RERE: variants seen among roughly 807,000 people sequenced by gnomAD.
RERE encodes the protein arginine-glutamic acid dipeptide repeats protein.
RERE carries 40 observed loss-of-function variants against 146.1 expected under a neutral mutation model. That is an observed-to-expected ratio of 0.27 (90% CI 0.21 to 0.36). The LOEUF (loss-of-function observed/expected upper bound fraction) is 0.36. RERE is among the 10% of genes least tolerant of loss of function. The pLI, the probability that RERE is intolerant of heterozygous loss-of-function variation, is 1.00. For missense variants in RERE, 1,933 were observed against 2,138.7 expected, an observed-to-expected ratio of 0.90 and a Z score of 1.90; for synonymous variants, 1,003 against 866.0, an observed-to-expected ratio of 1.16 and a Z score of -2.78.
chr1:8,431,430 A>G (rs1021304497), intron 11 of RERE, among the ~76,000 whole-genome samples: 1 of 152,250 alleles, frequency 6.6e-6, no homozygotes, highest in Non-Finnish European at 1.5e-5. Flanking sequence ...CAGTTGCAGG[A>G]AAACAAGCTC....
intron 4 of RERE, among the ~76,000 whole-genome samples, chr1:8,595,970 T>G (rs1328793960): frequency 6.6e-6 from 1 of 152,210 alleles, no homozygotes; most frequent in Admixed American, 6.5e-5. Context: ...TTATACCAGC[T>G]CAGGCTTCAG....
intron 1 of RERE, among the ~76,000 whole-genome samples, chr1:8,703,783 T>C (rs1253944391): frequency 6.6e-6 from 1 of 152,206 alleles, no homozygotes; most frequent in Non-Finnish European, 1.5e-5. Context: ...CTCTGACGTC[T>C]AATAAATGCA....
chr1:8,689,300 C>T (rs1435517587), intron 1 of RERE, among the ~76,000 whole-genome samples: 5 of 152,108 alleles, frequency 3.3e-5, no homozygotes, highest in African/African-American at 1.2e-4. Context: ...TAGTTTCTGG[C>T]ATTCCTGCTT....
chr1:8,610,016 GC>G (rs1289916399), intron 4 of RERE, among the ~76,000 whole-genome samples: 2 of 151,982 alleles, frequency 1.3e-5, no homozygotes, highest in African/African-American at 4.8e-5. Flanking sequence ...TGACCGAACC[GC>G]CCCAGCCTCC....
chr1:8,375,478 T>TC (rs1405078369), intron 12 of RERE, among the ~76,000 whole-genome samples: 1 of 152,236 alleles, frequency 6.6e-6, no homozygotes, highest in African/African-American at 2.4e-5. Flanking sequence ...AAGGTGAGTA[T>TC]CATGGAATGG....
intron 1 of RERE, among the ~76,000 whole-genome samples, chr1:8,662,607 G>A (rs1356721333): frequency 6.6e-6 from 1 of 152,116 alleles, no homozygotes; most frequent in Non-Finnish European, 1.5e-5. Flanking sequence ...GGAGGTGGGA[G>A]GATTGTTTGA....
At chr1:8,570,534 C>T (rs1646208416) in intron 4 of RERE, among the ~76,000 whole-genome samples, 1 of 152,096 alleles carries the variant, frequency 6.6e-6, no homozygotes. Flanking sequence ...AATAAGAAAA[C>T]AGATTCCCAT....
intron 12 of RERE, among the ~76,000 whole-genome samples, chr1:8,396,019 C>T (rs1643043813): frequency 6.6e-6 from 1 of 152,174 alleles, no homozygotes. Flanking sequence ...AACTACCCAC[C>T]TTGAATGGAT....
At chr1:8,358,010 G>A (rs974179182) in intron 20 of RERE, among the ~76,000 whole-genome samples, 186 bp downstream of exon 20, 1 of 152,276 alleles carries the variant, frequency 6.6e-6, no homozygotes, top group Non-Finnish European at 1.5e-5. Flanking sequence ...GAGCTGCGGG[G>A]CCGAGGAGAG....
intron 5 of RERE, 116 bp downstream of exon 5, chr1:8,557,302 A>C: frequency 1.4e-6 from 1 of 698,182 alleles, no homozygotes; most frequent in East Asian, 2.8e-5. Flanking sequence ...CATAAGGCCT[A>C]CCAACACTCC....
intron 4 of RERE, among the ~76,000 whole-genome samples, chr1:8,591,557 C>A (rs1417596823): frequency 1.3e-5 from 2 of 152,122 alleles, no homozygotes; most frequent in East Asian, 3.8e-4. Context: ...CTAACATGTT[C>A]CCACAATCCA....
At chr1:8,453,328 C>A (rs189708884) in intron 11 of RERE, among the ~76,000 whole-genome samples, 17 of 152,306 alleles carry the variant, frequency 1.1e-4, no homozygotes, top group Admixed American at 4.6e-4. Flanking sequence ...AGAGCCCACC[C>A]CACTCTTTAA....
intron 5 of RERE, among the ~76,000 whole-genome samples, chr1:8,556,854 AAAC>A (rs1276545587): frequency 6.6e-6 from 1 of 152,164 alleles, no homozygotes; most frequent in African/African-American, 2.4e-5. Flanking sequence ...AAAAGAAGAA[AAAC>A]AACTATCTTA....
At chr1:8,601,627 CA>C (rs1190180438) in intron 4 of RERE, among the ~76,000 whole-genome samples, 6 of 5,054 alleles carry the variant, frequency 1.2e-3, no homozygotes, top group Non-Finnish European at 4.2e-4. Context: ...CCAAGGTCAC[CA>C]CACACACACA....
intron 1 of RERE, among the ~76,000 whole-genome samples, chr1:8,690,973 T>C (rs1639194440): frequency 6.6e-6 from 1 of 152,084 alleles, no homozygotes; most frequent in African/African-American, 2.4e-5. Context: ...TCTCGGCTTA[T>C]TGCAACCTCT....
At chr1:8,700,791 CATT>C (rs1171103665) in intron 1 of RERE, among the ~76,000 whole-genome samples, 2 of 152,126 alleles carry the variant, frequency 1.3e-5, no homozygotes, top group African/African-American at 2.4e-5. Context: ...CTTCCTATGT[CATT>C]ATAAAATGGA....
intron 1 of RERE, among the ~76,000 whole-genome samples, chr1:8,776,324 G>A (rs1326461785): frequency 6.6e-6 from 1 of 151,992 alleles, no homozygotes; most frequent in Non-Finnish European, 1.5e-5. Flanking sequence ...TTAAGACAGG[G>A]GCTCCCTCTG....
chr1:8,360,652 G>A lies in RERE; in HGVS notation c.2855C>T (p.Ser952Leu), dbSNP rs367613619. ...ATTCATGGAGAAGGGTGAGGGCCCC[G>A]AGAGGTGGGGAGGGTGCTTGTGGGC... is the stretch of plus-strand genomic sequence containing the variant. ...PQAHKHPPHL[S>L]GPSPFSMNAN... The change falls in exon 18 of 23, where the codon TCG (serine) becomes TTG (leucine). Residue 952 changes from serine to leucine, a missense_variant. By Grantham distance (145) the Ser-to-Leu change is moderately radical (BLOSUM62 -2). Transcript: ENST00000400908. 1.1e-5 allele frequency: 17 copies of A among 1,527,026 alleles called. No homozygotes were observed. The highest frequency in any genetic ancestry group is 9.8e-5 in the African/African-American group (7 of 71,526). 94.6% of individuals were successfully genotyped at this position (1,527,026 alleles called of 1,614,324 possible). A position where few individuals can be genotyped will look rare whatever the true frequency, so the allele number is the denominator to read the frequency against.
chr1:8,385,174 T>A (rs1418188210), intron 12 of RERE, among the ~76,000 whole-genome samples: 7 of 152,250 alleles, frequency 4.6e-5, no homozygotes, highest in Admixed American at 6.5e-5. Flanking sequence ...TAATTGTATC[T>A]TAGAATTTAA....
Sources: gnomAD v4.1 joint callset for allele counts (sites outside exome capture counted in the v4.1 genomes callset) on GRCh38, gnomAD v4.1.1 for gene constraint, MANE v1.5 for transcripts, NCBI Gene and HGNC (gene_info 2026-07-23, HGNC 2026-07-21) for gene names.